The following NRG2 variants were observed in gnomAD, a reference collection of about 807,000 sequenced individuals.
The protein encoded by NRG2 is pro-neuregulin-2, membrane-bound isoform.
NRG2 carries 27 observed loss-of-function variants against 73.9 expected under a neutral mutation model. The observed-to-expected ratio is 0.37, with a 90% CI of 0.27 to 0.50. NRG2 has a LOEUF of 0.50. Among genes scored for constraint, NRG2 ranks in the 20% least tolerant of loss-of-function variants. The probability of loss-of-function intolerance (pLI) is 0.96; values close to 1 mark genes in which losing one functional copy is unlikely to be tolerated. For missense variants in NRG2, 1,126 were observed against 1,210.1 expected, an observed-to-expected ratio of 0.93 and a Z score of 1.03; for synonymous variants, 532 against 541.0, an observed-to-expected ratio of 0.98 and a Z score of 0.23.
intron 1 of NRG2, among the ~76,000 whole-genome samples, chr5:139,979,511 G>T (rs539464117): frequency 6.6e-6 from 1 of 152,318 alleles, no homozygotes; most frequent in African/African-American, 2.4e-5. Context: ...CTTCTCCCTT[G>T]AGTGTGGGTT....
chr5:139,945,814 T>A (rs779922141), intron 1 of NRG2, among the ~76,000 whole-genome samples: 1 of 152,052 alleles, frequency 6.6e-6, no homozygotes, highest in Non-Finnish European at 1.5e-5. Flanking sequence ...TCTTATACAC[T>A]TGCAATGAAC....
At chr5:139,962,395 A>G (rs1343181221) in intron 1 of NRG2, among the ~76,000 whole-genome samples, 1 of 152,238 alleles carries the variant, frequency 6.6e-6, no homozygotes, top group African/African-American at 2.4e-5. Context: ...GGGACAGAAC[A>G]AGATTTGCTT....
rs192371066 is a variant in NRG2, at chr5:139,932,263, T to C, written c.701-44752A>G. On this transcript the variant is annotated intron_variant, in intron 1 of 9. Transcript: ENST00000361474. ...GTGTGTGTGTGTGTGTGTGTGTGTA[T>C]ACACAGTGAACTATTTTTCAGGCTT... 5.8e-3 allele frequency among the ~76,000 whole-genome samples: 867 copies of C among 149,732 alleles called. 7 individuals carry two copies. Among genetic ancestry groups the C allele is most frequent in the South Asian group, 0.022 (105 of 4,680 alleles).
intron 1 of NRG2, among the ~76,000 whole-genome samples, chr5:140,037,907 C>CAAAA (rs748112690): frequency 0.023 from 1,361 of 58,946 alleles, 75 homozygotes; most frequent in African/African-American, 0.087. Context: ...GACTCCATCT[C>CAAAA]AAAAAAAAAA....
chr5:139,944,670 C>T (rs960410933), intron 1 of NRG2, among the ~76,000 whole-genome samples: 3 of 152,144 alleles, frequency 2.0e-5, no homozygotes, highest in Admixed American at 6.5e-5. Context: ...TGCTCGACCC[C>T]TAGGTTGATT....
At chr5:139,981,232 A>T (rs1332829178) in intron 1 of NRG2, among the ~76,000 whole-genome samples, 1 of 152,080 alleles carries the variant, frequency 6.6e-6, no homozygotes, top group African/African-American at 2.4e-5. Context: ...CTCATTTGGG[A>T]CTGGGTGCTG....
chr5:139,888,640 G>T (rs1023842288), intron 1 of NRG2, among the ~76,000 whole-genome samples: 2 of 152,104 alleles, frequency 1.3e-5, no homozygotes, highest in African/African-American at 4.8e-5. Context: ...CTAGAACAGG[G>T]GTCCCCTCAT....
At chr5:139,934,280 T>C (rs577955836) in intron 1 of NRG2, among the ~76,000 whole-genome samples, 1 of 152,302 alleles carries the variant, frequency 6.6e-6, no homozygotes, top group South Asian at 2.1e-4. Context: ...AAGATAATGA[T>C]TTAAGGCAAA....
chr5:139,878,180 C>G (rs1242127029), intron 3 of NRG2, among the ~76,000 whole-genome samples: 1 of 152,216 alleles, frequency 6.6e-6, no homozygotes, highest in Non-Finnish European at 1.5e-5. Context: ...AGCACCCCTT[C>G]GGGGAAGTGC....
intron 2 of NRG2, among the ~76,000 whole-genome samples, chr5:139,884,406 G>A (rs975606915): frequency 8.5e-5 from 13 of 152,340 alleles, no homozygotes; most frequent in African/African-American, 2.9e-4. Context: ...ACCAGCGGCC[G>A]AGAGTGTGGC....
chr5:139,973,858 C>T (rs1287463844), intron 1 of NRG2, among the ~76,000 whole-genome samples: 1 of 152,034 alleles, frequency 6.6e-6, no homozygotes, highest in Admixed American at 6.5e-5. Flanking sequence ...AAACATGGGG[C>T]AGGTTATGAA....
At chr5:139,973,966 T>C (rs1239437485) in intron 1 of NRG2, among the ~76,000 whole-genome samples, 2 of 152,074 alleles carry the variant, frequency 1.3e-5, no homozygotes, top group African/African-American at 4.8e-5. Context: ...TGTTGCTGGG[T>C]AGTGAGATTA....
chr5:139,995,390 A>T (rs1322379886), intron 1 of NRG2, among the ~76,000 whole-genome samples: 1 of 152,186 alleles, frequency 6.6e-6, no homozygotes, highest in Admixed American at 6.5e-5. Context: ...CCTGACTAAA[A>T]TGCAAAGTAT....
Position 139,851,772 on chromosome 5 carries a change from G to A in NRG2, c.1604C>T (p.Ser535Leu), listed in dbSNP as rs374341031. The A allele has an allele frequency of 1.3e-4, 215 of 1,614,214 alleles. No individual in the cohort carries two copies. Among genetic ancestry groups the A allele is most frequent in the Non-Finnish European group, 1.7e-4 (204 of 1,180,040 alleles). Residue 535 changes from serine to leucine, a missense_variant, in exon 9 of 10, where the codon TCG becomes TTG. Transcript: ENST00000361474. The surrounding 1 kb of genome is among the most constrained non-coding windows in gnomAD (Gnocchi z 4.2). ...ACCCACTGATGATAGCATGATCCCC[G>A]ACTGGGAGTCAGAAGTCAGGCTCTC... is the stretch of plus-strand genomic sequence containing the variant. ...RSESLTSDSQ[S>L]GIMLSSVGTS...
chr5:139,933,078 C>A lies in NRG2; in HGVS notation c.701-45567G>T, dbSNP rs369912629. Reference sequence around the variant, plus strand: ...TCACTTGAGGTCAGGAGTTTGAGACCAGCCTGGCCAACATGGTGAAACCCT... The same window carrying A: ...TCACTTGAGGTCAGGAGTTTGAGACAAGCCTGGCCAACATGGTGAAACCCT... On this transcript the variant is annotated intron_variant, in intron 1 of 9. Transcript: ENST00000361474. Among the ~76,000 whole-genome samples the A allele has an allele frequency of 4.6e-4, 70 of 152,230 alleles. 2 individuals carry two copies. The South Asian group carries it at 0.014, about 31-fold the overall frequency.
chr5:140,018,389 G>A (rs1580957443), intron 1 of NRG2, among the ~76,000 whole-genome samples: 1 of 152,296 alleles, frequency 6.6e-6, no homozygotes, highest in African/African-American at 2.4e-5. Flanking sequence ...GCAGGGAAAA[G>A]CTGCCTCACC....
At chr5:139,949,314 A>C (rs1754022259) in intron 1 of NRG2, among the ~76,000 whole-genome samples, 1 of 152,200 alleles carries the variant, frequency 6.6e-6, no homozygotes, top group South Asian at 2.1e-4. Context: ...TCACTATTTT[A>C]GGGTTAAGGA....
At chr5:139,939,243 CCTTTCTTT>C (rs1283419387) in intron 1 of NRG2, among the ~76,000 whole-genome samples, 78 of 69,304 alleles carry the variant, frequency 1.1e-3, no homozygotes, top group African/African-American at 3.8e-3. Context: ...TTCCTTCCTT[CCTTTCTTT>C]CTTTCTTTCT....
intron 1 of NRG2, among the ~76,000 whole-genome samples, chr5:140,021,775 C>T (rs777245043): frequency 6.6e-6 from 1 of 152,148 alleles, no homozygotes; most frequent in Non-Finnish European, 1.5e-5. Context: ...CCAGCCTCAG[C>T]GAGGAACACA....
Sources: gnomAD v4.1 joint callset for allele counts (sites outside exome capture counted in the v4.1 genomes callset) on GRCh38, gnomAD v4.1.1 for gene constraint, Gnocchi (gnomAD v3.1) non-coding constraint, MANE v1.5 for transcripts, NCBI Gene and HGNC (gene_info 2026-07-23, HGNC 2026-07-21) for gene names.